Variants in TSPAN15 observed in about 807,000 individuals in gnomAD.
TSPAN15 encodes the protein tetraspanin 15.
TSPAN15 carries 20 observed loss-of-function variants against 34.5 expected under a neutral mutation model. The ratio of observed to expected loss-of-function variants is 0.58; its 90% CI spans 0.41 to 0.84. TSPAN15 has a LOEUF of 0.84. Ranked by LOEUF, TSPAN15 falls within the 40% of genes least tolerant of loss-of-function variation. The probability of loss-of-function intolerance (pLI) is 0.00; values close to 1 mark genes in which losing one functional copy is unlikely to be tolerated. For synonymous variants in TSPAN15, 155 were observed against 153.9 expected (o/e 1.01, Z -0.05); for missense variants, 313 against 386.1 (o/e 0.81, Z 1.59).
At chr10:69,539,533 A>AAGAAGAAGAAGG in the TSPAN15 span, among the ~76,000 whole-genome samples, 85 of 48,222 alleles carry the variant, frequency 1.8e-3, no homozygotes, top group South Asian at 6.4e-3. Flanking sequence ...GAAGAAGAAG[A>AAGAAGAAGAAGG]AGAAGGAGAA....
chr10:69,475,202 G>T (rs541970641), intron 1 of TSPAN15, among the ~76,000 whole-genome samples: 1 of 152,238 alleles, frequency 6.6e-6, no homozygotes, highest in South Asian at 2.1e-4. Flanking sequence ...GTGGTTCTCC[G>T]ATTAACCATG....
intron 5 of TSPAN15, among the ~76,000 whole-genome samples, chr10:69,501,133 C>T (rs1842197553): frequency 6.6e-6 from 1 of 152,196 alleles, no homozygotes; most frequent in Non-Finnish European, 1.5e-5. Flanking sequence ...TGCAAGGAGG[C>T]AGGCTGGGTG....
chr10:69,520,993 CTTT>C, the TSPAN15 span, among the ~76,000 whole-genome samples: 2 of 148,238 alleles, frequency 1.3e-5, no homozygotes, highest in African/African-American at 2.5e-5. Context: ...TGTTATTTTC[CTTT>C]TTTTTTTTTT....
chr10:69,488,848 G>C (rs1841910569), intron 3 of TSPAN15, among the ~76,000 whole-genome samples: 1 of 152,102 alleles, frequency 6.6e-6, no homozygotes, highest in African/African-American at 2.4e-5. Flanking sequence ...ACAAGGCAAA[G>C]GGCAAAAGCA....
downstream of TSPAN15, among the ~76,000 whole-genome samples, chr10:69,508,373 G>A (rs776069720): frequency 5.5e-5 from 8 of 145,378 alleles, no homozygotes; most frequent in South Asian, 2.2e-4. Context: ...CCCGGGAGGC[G>A]GAGGTTGTGG....
Position 69,485,038 on chromosome 10 carries a change from A to T in TSPAN15, c.283-103A>T, listed in dbSNP as rs1188423686. 3.6e-6 allele frequency: 4 copies of T among 1,121,144 alleles called. 1 individual carries two copies. In the South Asian group the frequency reaches 3.8e-5, roughly 11 times the overall value. 69.4% of individuals were successfully genotyped at this position (1,121,144 alleles called of 1,614,324 possible). A position where few individuals can be genotyped will look rare whatever the true frequency, so the allele number is the denominator to read the frequency against. ...GGAGCTGGTAGGAGCTCCCCGAGGGATGCTTCTCTTTGTGCTTGCTCTTGG... is the reference window on the plus strand; with the variant it reads ...GGAGCTGGTAGGAGCTCCCCGAGGGTTGCTTCTCTTTGTGCTTGCTCTTGG... On this transcript the variant is annotated intron_variant, in intron 2 of 7. Transcript: ENST00000373290.
At chr10:69,534,214 C>T in the TSPAN15 span, among the ~76,000 whole-genome samples, 1 of 152,072 alleles carries the variant, frequency 6.6e-6, no homozygotes, top group South Asian at 2.1e-4. Context: ...ATTTTATATC[C>T]AGCAAAGGTG....
chr10:69,453,491 G>C (rs1841018660), intron 1 of TSPAN15, among the ~76,000 whole-genome samples: 1 of 152,098 alleles, frequency 6.6e-6, no homozygotes. Context: ...TGGGTGGGGA[G>C]GTAGGAAGAT....
At chr10:69,545,516 G>T in the TSPAN15 span, among the ~76,000 whole-genome samples, 1 of 152,220 alleles carries the variant, frequency 6.6e-6, no homozygotes, top group Non-Finnish European at 1.5e-5. Flanking sequence ...ACAGTCGGAG[G>T]CAGTCAAAGA....
At chr10:69,541,091 G>A in the TSPAN15 span, among the ~76,000 whole-genome samples, 1 of 152,168 alleles carries the variant, frequency 6.6e-6, no homozygotes, top group Admixed American at 6.5e-5. Context: ...CAGATGGAGG[G>A]GAAGGAGTCA....
the TSPAN15 span, among the ~76,000 whole-genome samples, chr10:69,512,792 A>G: frequency 1.3e-5 from 2 of 152,236 alleles, no homozygotes; most frequent in Non-Finnish European, 2.9e-5. Flanking sequence ...GCGGAGCAGC[A>G]TACTGTTGTA....
chr10:69,476,942 T>C (rs1271508178), intron 1 of TSPAN15, among the ~76,000 whole-genome samples: 1 of 151,970 alleles, frequency 6.6e-6, no homozygotes, highest in Non-Finnish European at 1.5e-5. Flanking sequence ...ATGGGCCCTT[T>C]AGCGGTTTGG....
chr10:69,482,973 T>TG (rs1230452115), intron 1 of TSPAN15, among the ~76,000 whole-genome samples: 24 of 151,498 alleles, frequency 1.6e-4, no homozygotes, highest in African/African-American at 5.6e-4. Context: ...TGATTTTTTT[T>TG]TTTTGTTGTT....
Position 69,482,604 on chromosome 10 carries a change from T to G in TSPAN15, c.97-1087T>G, listed in dbSNP as rs141554841. On this transcript the variant is annotated intron_variant, in intron 1 of 7. Coordinates refer to ENST00000373290, the MANE Select transcript of TSPAN15 (RefSeq NM_012339.5). Reference sequence around the variant, plus strand: ...TTGTGGCGGCCTCGCACTTCCAGGTTTGTAGTGTTTCCACATTCATTCACT... The same window carrying G: ...TTGTGGCGGCCTCGCACTTCCAGGTGTGTAGTGTTTCCACATTCATTCACT... Among the ~76,000 whole-genome samples the G allele has an allele frequency of 3.9e-5, 6 of 152,284 alleles. No homozygotes were observed. In the East Asian group the frequency reaches 1.2e-3, roughly 29 times the overall value.
At chr10:69,513,970 C>T in the TSPAN15 span, among the ~76,000 whole-genome samples, 1 of 152,218 alleles carries the variant, frequency 6.6e-6, no homozygotes, top group African/African-American at 2.4e-5. Context: ...ACATCCTTGA[C>T]TTGGTCCTGA....
At chr10:69,498,516 A>G in intron 5 of TSPAN15, 120 bp downstream of exon 5, 1 of 775,188 alleles carries the variant, frequency 1.3e-6, no homozygotes, top group Admixed American at 2.4e-5. Flanking sequence ...GGGAAGTAGG[A>G]GTTGGTGGCA....
chr10:69,461,912 C>CT (rs1433473550), intron 1 of TSPAN15, among the ~76,000 whole-genome samples: 1 of 144,958 alleles, frequency 6.9e-6, no homozygotes, highest in Non-Finnish European at 1.5e-5. Flanking sequence ...ATGTCCACCA[C>CT]CCCCCCGCCA....
At chr10:69,482,978 G>A (rs866839585) in intron 1 of TSPAN15, among the ~76,000 whole-genome samples, 1 of 151,266 alleles carries the variant, frequency 6.6e-6, no homozygotes, top group South Asian at 2.1e-4. Context: ...TTTTTTTTTT[G>A]TTGTTGTTGT....
chr10:69,498,247 C>T (rs757957221), intron 4 of TSPAN15, 33 bp from the exon 5 acceptor site: 38 of 1,595,814 alleles, frequency 2.4e-5, no homozygotes, highest in Admixed American at 8.3e-5. Context: ...TGGGCGATGA[C>T]GGCAGCTCCT....
Sources: gnomAD v4.1 joint callset for allele counts (sites outside exome capture counted in the v4.1 genomes callset) on GRCh38, gnomAD v4.1.1 for gene constraint, MANE v1.5 for transcripts, NCBI Gene and HGNC (gene_info 2026-07-23, HGNC 2026-07-21) for gene names.